The following SPATA31H1 variants were observed in gnomAD, a reference collection of about 807,000 sequenced individuals.
SPATA31H1 encodes spermatogenesis-associated protein 31H1.
chr2:27,574,657 G>A, the SPATA31H1 span: 102 of 398,448 alleles, frequency 2.6e-4, 2 homozygotes, highest in African/African-American at 1.9e-3. Flanking sequence ...TTGATTCAGG[G>A]AACAAACCAT....
At chr2:27,564,343 A>T in the SPATA31H1 span, among the ~76,000 whole-genome samples, 7 of 152,088 alleles carry the variant, frequency 4.6e-5, no homozygotes, top group Admixed American at 3.3e-4. Context: ...CACACTTCAC[A>T]TGGGCCTTGT....
chr2:27,580,828 G>C, the SPATA31H1 span: 38 of 1,614,148 alleles, frequency 2.4e-5, no homozygotes, highest in South Asian at 4.1e-4. Context: ...ACGCCAGCAG[G>C]CTCAACCATT....
At chr2:27,572,117 T>C in the SPATA31H1 span, 1 of 398,382 alleles carries the variant, frequency 2.5e-6, no homozygotes, top group Non-Finnish European at 4.4e-6. Flanking sequence ...AGTCGAAAGG[T>C]ATAAAATCAT....
the SPATA31H1 span, among the ~76,000 whole-genome samples, chr2:27,553,165 CT>C: frequency 6.6e-6 from 1 of 152,052 alleles, no homozygotes; most frequent in Admixed American, 6.5e-5. Context: ...GTTGTCTAAC[CT>C]GTTGAAAGTG....
chr2:27,567,381 C>G, the SPATA31H1 span: 1 of 480,114 alleles, frequency 2.1e-6, no homozygotes, highest in African/African-American at 1.9e-5. Flanking sequence ...AACTGAAGTA[C>G]AAGGAGGAGT....
chr2:27,567,162 G>A, the SPATA31H1 span: 5 of 669,926 alleles, frequency 7.5e-6, no homozygotes, highest in Non-Finnish European at 1.1e-5. Flanking sequence ...AAAAAATGAT[G>A]AGAGAATGAG....
the SPATA31H1 span, chr2:27,537,709 A>G: frequency 1.6e-6 from 1 of 616,492 alleles, no homozygotes; most frequent in East Asian, 2.7e-5. Flanking sequence ...CTTCCTATAG[A>G]TCACTATAAA....
chr2:27,563,954 T>A, the SPATA31H1 span, among the ~76,000 whole-genome samples: 1 of 152,026 alleles, frequency 6.6e-6, no homozygotes, highest in Non-Finnish European at 1.5e-5. Flanking sequence ...TGAGCACAAG[T>A]GATCCTCCTG....
the SPATA31H1 span, chr2:27,569,055 C>A: frequency 2.5e-6 from 1 of 398,956 alleles, no homozygotes; most frequent in East Asian, 3.6e-5. Context: ...AGGAACTAGC[C>A]CAGGGCCACT....
chr2:27,556,339 A>G, the SPATA31H1 span, among the ~76,000 whole-genome samples: 1 of 151,050 alleles, frequency 6.6e-6, no homozygotes, highest in Non-Finnish European at 1.5e-5. Flanking sequence ...TTCACAGCAA[A>G]ATTGAGCAGA....
chr2:27,580,282 G>A, the SPATA31H1 span: 133 of 1,614,036 alleles, frequency 8.2e-5, no homozygotes, highest in African/African-American at 1.3e-3. Flanking sequence ...CGAGGACAAC[G>A]CAGCAGGCCT....
the SPATA31H1 span, chr2:27,567,304 T>G: frequency 1.8e-6 from 1 of 559,708 alleles, no homozygotes; most frequent in African/African-American, 1.9e-5. Context: ...TCTCAGAAGG[T>G]TTTTGCTTTG....
chr2:27,578,416 T>G, the SPATA31H1 span: 2 of 1,614,156 alleles, frequency 1.2e-6, no homozygotes, highest in Non-Finnish European at 1.7e-6. Flanking sequence ...CCTCAGGTTG[T>G]AGAACCAATA....
chr2:27,581,417 C>G, the SPATA31H1 span: 2 of 1,614,040 alleles, frequency 1.2e-6, no homozygotes, highest in Non-Finnish European at 1.7e-6. Flanking sequence ...GAAATCACTG[C>G]AGTCCCCCCG....
At chr2:27,578,502 A>G in the SPATA31H1 span, 1 of 1,614,144 alleles carries the variant, frequency 6.2e-7, no homozygotes, top group South Asian at 1.1e-5. Context: ...TCAAGAACTG[A>G]TAGTACCTGC....
At chr2:27,577,530 G>C in the SPATA31H1 span, 4 of 1,614,114 alleles carry the variant, frequency 2.5e-6, no homozygotes, top group South Asian at 2.2e-5. This position sits in a 1 kb window ranked among gnomAD's most constrained non-coding sequence, Gnocchi z 4.5. Context: ...AGAATGTGTG[G>C]AGGTGATCTC....
the SPATA31H1 span, chr2:27,580,447 G>C: frequency 6.2e-7 from 1 of 1,614,136 alleles, no homozygotes; most frequent in Non-Finnish European, 8.5e-7. Context: ...CCAATGAAGA[G>C]AATCACCAAG....
At chr2:27,582,502 T>G in the SPATA31H1 span, 3 of 1,609,280 alleles carry the variant, frequency 1.9e-6, no homozygotes. Flanking sequence ...GCAGGGCAAG[T>G]GTGGAGGCCT....
At chr2:27,567,239 G>C in the SPATA31H1 span, 1 of 617,774 alleles carries the variant, frequency 1.6e-6, no homozygotes, top group Admixed American at 2.9e-5. Flanking sequence ...GACTTCCAAG[G>C]TGGGCTACAT....
Sources: allele counts gnomAD v4.1 joint callset (sites outside exome capture counted in the v4.1 genomes callset), GRCh38; gene constraint gnomAD v4.1.1; non-coding constraint Gnocchi (gnomAD v3.1); transcripts MANE v1.5; gene names NCBI Gene and HGNC (gene_info 2026-07-23, HGNC 2026-07-21).